SNCAIP: variants seen among roughly 807,000 people sequenced by gnomAD.
SNCAIP encodes synuclein alpha interacting protein.
A neutral mutation model predicts 86.7 loss-of-function variants in SNCAIP; 43 were observed. The ratio of observed to expected loss-of-function variants is 0.50; its 90% CI spans 0.39 to 0.64. SNCAIP has a LOEUF of 0.64. SNCAIP is among the 30% of genes least tolerant of loss of function. The probability of loss-of-function intolerance (pLI) is 0.00; values close to 1 mark genes in which losing one functional copy is unlikely to be tolerated. For synonymous variants in SNCAIP, 417 were observed against 427.2 expected (o/e 0.98, Z 0.29); for missense variants, 981 against 1,103.1 (o/e 0.89, Z 1.57).
intron 1 of SNCAIP, among the ~76,000 whole-genome samples, chr5:122,385,039 A>C (rs1268516959): frequency 6.6e-6 from 1 of 152,150 alleles, no homozygotes; most frequent in Non-Finnish European, 1.5e-5. Context: ...TCCTGTCCCA[A>C]CCACTCCCTT....
chr5:122,422,090 C>T (rs1159004168), intron 3 of SNCAIP, among the ~76,000 whole-genome samples: 18 of 150,884 alleles, frequency 1.2e-4, no homozygotes, highest in Admixed American at 1.2e-3. Context: ...CCAGCCTTCT[C>T]AACAATGGAG....
chr5:122,431,078 T>G (rs1265155553), intron 5 of SNCAIP, among the ~76,000 whole-genome samples: 1 of 152,184 alleles, frequency 6.6e-6, no homozygotes, highest in Non-Finnish European at 1.5e-5. Flanking sequence ...TTATGAAGTT[T>G]AATTGAAGAA....
rs1482079868 is a variant in SNCAIP, at chr5:122,455,194, G to A, written c.2754+3593G>A. 2.0e-5 allele frequency among the ~76,000 whole-genome samples: 3 copies of A among 152,258 alleles called. No individual in the cohort carries two copies. The East Asian group carries it at 5.8e-4, about 29-fold the overall frequency. On this transcript the variant is annotated intron_variant, in intron 10 of 10. Coordinates refer to ENST00000261368, the MANE Select transcript of SNCAIP (RefSeq NM_005460.4). Reference sequence around the variant, plus strand: ...GTTTCCATAGGAAGTGGAAACCTTAGTTCTTTCATGCTAGAAAGGAGAGGT... The same window carrying A: ...GTTTCCATAGGAAGTGGAAACCTTAATTCTTTCATGCTAGAAAGGAGAGGT...
rs187476842 is a variant in SNCAIP, at chr5:122,406,573, A to G, written c.130+2708A>G. On this transcript the variant is annotated intron_variant, in intron 3 of 10. Transcript: ENST00000261368. ...AGGGTGGATTTCTCATGAATGGTTT[A>G]GCGCCATCTCCTTGGTACCATCCTT... Among the ~76,000 whole-genome samples the G allele has an allele frequency of 2.2e-3, 341 of 152,246 alleles. 2 individuals are homozygous for G. Among genetic ancestry groups the G allele is most frequent in the Non-Finnish European group, 3.8e-3 (259 of 68,014 alleles).
intron 6 of SNCAIP, among the ~76,000 whole-genome samples, chr5:122,438,290 C>T (rs529684837): frequency 7.9e-5 from 12 of 152,246 alleles, no homozygotes; most frequent in African/African-American, 2.9e-4. Context: ...CTGGGTACTC[C>T]AGTTTCTCCT....
At chr5:122,446,404 T>G (rs777624155) in intron 8 of SNCAIP, among the ~76,000 whole-genome samples, 7 of 152,236 alleles carry the variant, frequency 4.6e-5, no homozygotes, top group Admixed American at 6.5e-5. Context: ...CAAAACATCC[T>G]CCTTCTTGTT....
intron 8 of SNCAIP, 41 bp downstream of exon 8, chr5:122,444,773 A>G (rs759634388): frequency 1.3e-6 from 2 of 1,543,832 alleles, no homozygotes; most frequent in Non-Finnish European, 9.0e-7. Flanking sequence ...AGTCTAACTC[A>G]TTATTGTTGT....
chr5:122,406,017 G>A (rs1772894210), intron 3 of SNCAIP, among the ~76,000 whole-genome samples: 1 of 152,176 alleles, frequency 6.6e-6, no homozygotes, highest in Non-Finnish European at 1.5e-5. Context: ...GACTCTTAAT[G>A]GAATTGCATG....
intron 1 of SNCAIP, among the ~76,000 whole-genome samples, chr5:122,358,162 TGTG>T (rs1761428182): frequency 2.8e-5 from 1 of 36,338 alleles, no homozygotes; most frequent in Non-Finnish European, 5.7e-5. Flanking sequence ...TGTTTCTTTG[TGTG>T]TGTGTGTGTG....
chr5:122,446,020 A>T (rs1782239731), intron 8 of SNCAIP, among the ~76,000 whole-genome samples: 1 of 152,154 alleles, frequency 6.6e-6, no homozygotes, highest in African/African-American at 2.4e-5. Flanking sequence ...GTTACTGCCA[A>T]CCATCCTTTG....
At chr5:122,337,485 A>G (rs1202601254) in intron 1 of SNCAIP, among the ~76,000 whole-genome samples, 1 of 151,860 alleles carries the variant, frequency 6.6e-6, no homozygotes, top group Non-Finnish European at 1.5e-5. Flanking sequence ...ATGCAACTTC[A>G]TTGCTCTGAG....
chr5:122,324,024 T>C (rs963302093), intron 1 of SNCAIP, among the ~76,000 whole-genome samples: 15 of 152,182 alleles, frequency 9.9e-5, no homozygotes, highest in Non-Finnish European at 5.9e-5. Flanking sequence ...AAGATTGCTA[T>C]GTGCTATTTT....
chr5:122,387,120 G>A (rs1212045533), intron 1 of SNCAIP, among the ~76,000 whole-genome samples: 2 of 152,080 alleles, frequency 1.3e-5, no homozygotes, highest in Non-Finnish European at 2.9e-5. Flanking sequence ...GGCCTATGAT[G>A]CATAGCAATA....
chr5:122,396,103 T>G (rs1770567797), intron 2 of SNCAIP, among the ~76,000 whole-genome samples: 1 of 152,196 alleles, frequency 6.6e-6, no homozygotes, highest in Non-Finnish European at 1.5e-5. Context: ...TATGCAGTGT[T>G]TTTTTGTAAT....
At chr5:122,330,323 G>A (rs573147440) in intron 1 of SNCAIP, among the ~76,000 whole-genome samples, 2 of 151,584 alleles carry the variant, frequency 1.3e-5, no homozygotes, top group African/African-American at 2.4e-5. Context: ...GGGTTTCACC[G>A]TTTTAGCCGG....
chr5:122,345,056 C>T (rs1251596617), intron 1 of SNCAIP, among the ~76,000 whole-genome samples: 1 of 152,134 alleles, frequency 6.6e-6, no homozygotes. Flanking sequence ...GAACATGTGT[C>T]CCAACAAGGT....
intron 1 of SNCAIP, among the ~76,000 whole-genome samples, chr5:122,318,623 C>T (rs1401511265): frequency 6.6e-6 from 1 of 152,086 alleles, no homozygotes; most frequent in African/African-American, 2.4e-5. Flanking sequence ...TCACATTTGC[C>T]TCTTAGGATA....
chr5:122,395,817 G>A (rs1469720496), intron 2 of SNCAIP, among the ~76,000 whole-genome samples: 1 of 152,128 alleles, frequency 6.6e-6, no homozygotes. Flanking sequence ...GTGAAAAAGA[G>A]TATAAAGGTA....
At chr5:122,459,036 A>G (rs973219200) in intron 10 of SNCAIP, among the ~76,000 whole-genome samples, 1 of 152,156 alleles carries the variant, frequency 6.6e-6, no homozygotes, top group Non-Finnish European at 1.5e-5. Flanking sequence ...CACAGCGGGG[A>G]AAAATGGTGT....
Sources: allele counts gnomAD v4.1 joint callset (sites outside exome capture counted in the v4.1 genomes callset), GRCh38; gene constraint gnomAD v4.1.1; transcripts MANE v1.5; gene names NCBI Gene and HGNC (gene_info 2026-07-23, HGNC 2026-07-21).